The following KCNN1 variants were observed in gnomAD, a reference collection of about 807,000 sequenced individuals.
KCNN1 encodes small conductance calcium-activated potassium channel protein 1.
Under a neutral mutation model 44.7 loss-of-function variants are expected in KCNN1, and 20 were observed. That is an observed-to-expected ratio of 0.45 (90% confidence interval 0.32 to 0.65). The LOEUF is 0.65. Ranked by LOEUF, KCNN1 falls within the 30% of genes least tolerant of loss-of-function variation. The pLI, the probability that KCNN1 is intolerant of heterozygous loss-of-function variation, is 0.05. For synonymous variants in KCNN1, 324 were observed against 341.7 expected (o/e 0.95, Z 0.57); for missense variants, 632 against 785.3 (o/e 0.80, Z 2.33).
Position 17,983,548 on chromosome 19 carries a change from C to T in KCNN1, c.917+1421C>T, listed in dbSNP as rs894002480. On this transcript the variant is annotated intron_variant, in intron 4 of 9. Coordinates refer to ENST00000684775, the MANE Select transcript of KCNN1 (RefSeq NM_001386974.1). This position sits in a 1 kb window ranked among gnomAD's most constrained non-coding sequence, Gnocchi z 4.5. ...AGGGTTAGGGGTATGGGGTGCCCCT[C>T]GTCAGGTATCCCTGAGGTCCAAGCT... Among the ~76,000 whole-genome samples the T allele has an allele frequency of 1.6e-4, 24 of 151,908 alleles. No homozygotes were observed. The highest frequency in any genetic ancestry group is 3.4e-4 in the Non-Finnish European group (23 of 67,938).
chr19:17,964,872 G>A (rs1321907253), upstream of KCNN1, among the ~76,000 whole-genome samples: 1 of 152,208 alleles, frequency 6.6e-6, no homozygotes, highest in Admixed American at 6.5e-5. This position sits in a 1 kb window ranked among gnomAD's most constrained non-coding sequence, Gnocchi z 4.3. Flanking sequence ...GGGAGAAGGT[G>A]GGTACAGGGG....
At chr19:17,980,245 T>A (rs2032357449) in intron 3 of KCNN1, among the ~76,000 whole-genome samples, 1 of 134,540 alleles carries the variant, frequency 7.4e-6, no homozygotes, top group African/African-American at 2.8e-5. Flanking sequence ...TTTTTTTTTT[T>A]TTTTTTTTTT....
At chr19:17,986,783 A>G (rs1162140813) in intron 5 of KCNN1, among the ~76,000 whole-genome samples, 1 of 148,522 alleles carries the variant, frequency 6.7e-6, no homozygotes, top group Non-Finnish European at 1.5e-5. Flanking sequence ...AGGCCTAAGC[A>G]ACTGCACCTG....
At chr19:17,963,352 G>A (rs1387534590), upstream of KCNN1, among the ~76,000 whole-genome samples, 6 of 141,384 alleles carry the variant, frequency 4.2e-5, no homozygotes, top group South Asian at 6.7e-4. Context: ...TCACTCTGTC[G>A]CCCAGGCTGT....
At position 17,973,942 on chromosome 19, in the gene KCNN1, GGGCGCC is replaced by G; in HGVS notation, c.55_60del (p.Gly19_Ala20del). On this transcript the variant is annotated inframe_deletion, in exon 2 of 10. Coordinates refer to ENST00000684775, the MANE Select transcript of KCNN1 (RefSeq NM_001386974.1). ...TGGGGCGGCCGCTGGGCAGCGGGCC[GGGCGCC>G]CTGGGACGAGACCCTCCGGACCCTG... The G allele has an allele frequency of 6.4e-7, 1 of 1,557,062 alleles. No homozygotes were observed.
chr19:17,978,969 AG>A (rs2032302566), intron 3 of KCNN1, among the ~76,000 whole-genome samples: 1 of 151,280 alleles, frequency 6.6e-6, no homozygotes, highest in South Asian at 2.1e-4. Context: ...TTGAGGTGGG[AG>A]GATCACCTGA....
At chr19:17,964,534 C>T (rs986983774), upstream of KCNN1, among the ~76,000 whole-genome samples, 1 of 152,358 alleles carries the variant, frequency 6.6e-6, no homozygotes, top group East Asian at 1.9e-4. This position sits in a 1 kb window ranked among gnomAD's most constrained non-coding sequence, Gnocchi z 4.3. Context: ...GCATGAGTCC[C>T]GGGGGCGTCT....
At chr19:17,989,415 G>A (rs1429806846) in intron 6 of KCNN1, among the ~76,000 whole-genome samples, 1 of 152,162 alleles carries the variant, frequency 6.6e-6, no homozygotes, top group Non-Finnish European at 1.5e-5. Flanking sequence ...GCAAGATCAT[G>A]CCACTGCATT....
rs560556278 is a variant in KCNN1 at position 17,983,737 on chromosome 19, G to T, written c.918-1575G>T. ...CCCAGCCGTGCTCCTGGGTGGTCCC[G>T]CGGCACCCCCCACCATCGCTCCGTC... On this transcript the variant is annotated intron_variant, in intron 4 of 9. Transcript: ENST00000684775. This position sits in a 1 kb window ranked among gnomAD's most constrained non-coding sequence, Gnocchi z 4.5. Among the ~76,000 whole-genome samples the T allele has an allele frequency of 6.6e-6, 1 of 151,352 alleles. No homozygotes were observed. Among genetic ancestry groups the T allele is most frequent in the Non-Finnish European group, 1.5e-5 (1 of 67,796 alleles).
chr19:17,956,881 T>C (rs777493617), intron 2 of KCNN1, among the ~76,000 whole-genome samples: 20 of 151,708 alleles, frequency 1.3e-4, no homozygotes, highest in Non-Finnish European at 2.8e-4. Context: ...ACCCCGTCTC[T>C]ACTAAATACA....
rs1423436676 is a variant in KCNN1, at chr19:17,975,173, G to A, written c.484G>A (p.Ala162Thr). 2 of 1,613,704 alleles carry A rather than the reference G, an allele frequency of 1.2e-6. No homozygotes were observed. The highest frequency in any genetic ancestry group is 1.7e-6 in the Non-Finnish European group (2 of 1,179,700). ...GCTGGGTCTCGTTGTCCTCTACCAT[G>A]CCCGGGAGATCCAGGTCAGTGCTGA... ...ILLGLVVLYH[A>T]REIQLFMVDN... Residue 162 changes from alanine to threonine, a missense_variant, in exon 3 of 10, where the codon GCC becomes ACC. This residue lies in a region of KCNN1 where 160 missense variants were observed against 308.3 expected (regional missense o/e 0.52). Coordinates refer to ENST00000684775, the MANE Select transcript of KCNN1 (RefSeq NM_001386974.1).
chr19:18,000,066 G>A lies in KCNN1; in HGVS notation c.*1660G>A, dbSNP rs768926111. On this transcript the variant is annotated 3_prime_UTR_variant, in exon 10 of 10. Coordinates refer to ENST00000684775, the MANE Select transcript of KCNN1 (RefSeq NM_001386974.1). ...AGGTGCTCAATAAATGCTCCTTCCCGCCTGAGGGATCACACTGGAGTCTTT... is the reference window on the plus strand; with the variant it reads ...AGGTGCTCAATAAATGCTCCTTCCCACCTGAGGGATCACACTGGAGTCTTT... The A allele has an allele frequency of 2.4e-5, 11 of 455,044 alleles. No homozygotes were observed. The highest frequency in any genetic ancestry group is 3.3e-4 in the Middle Eastern group (1 of 3,050). The allele number at this position is 455,044 out of a possible 1,614,324, so 28.2% of individuals were successfully genotyped here.
intron 5 of KCNN1, among the ~76,000 whole-genome samples, chr19:17,985,728 G>A (rs546724224): frequency 3.9e-5 from 6 of 152,226 alleles, no homozygotes; most frequent in African/African-American, 1.4e-4. Context: ...AAGAAGCTGC[G>A]GTCCACTCTG....
chr19:17,953,625 A>G (rs1376057474), intron 1 of KCNN1, among the ~76,000 whole-genome samples: 1 of 152,236 alleles, frequency 6.6e-6, no homozygotes, highest in African/African-American at 2.4e-5. Flanking sequence ...CTCCCAGGGC[A>G]GCTTCAGAGC....
intron 1 of KCNN1, among the ~76,000 whole-genome samples, chr19:17,971,257 C>T (rs886930675): frequency 6.6e-6 from 1 of 152,118 alleles, no homozygotes; most frequent in Non-Finnish European, 1.5e-5. Context: ...TGGGAAGTGT[C>T]CTGCCTGTGC....
At chr19:17,963,721 G>T (rs2031735918), upstream of KCNN1, among the ~76,000 whole-genome samples, 1 of 145,934 alleles carries the variant, frequency 6.9e-6, no homozygotes, top group African/African-American at 2.6e-5. Context: ...TGATACTTCT[G>T]ATACTTTTTT....
At position 17,982,149 on chromosome 19, in the gene KCNN1, C is replaced by A. The variant is rs1371890781; in HGVS notation, c.917+22C>A. The A allele has an allele frequency of 8.1e-6, 11 of 1,360,518 alleles. No individual in the cohort carries two copies. In the East Asian group the frequency reaches 2.9e-4, roughly 36 times the overall value. 84.3% of individuals were successfully genotyped at this position (1,360,518 alleles called of 1,614,324 possible). The stretch of plus-strand genomic sequence containing the variant: ...AGAGGTGCGACCGCCGCCCCTGGAG[C>A]CCCCCCAGCCCCCAGCCCCCGTCTC... On this transcript the variant is annotated intron_variant, in intron 4 of 9. Coordinates refer to ENST00000684775, the MANE Select transcript of KCNN1 (RefSeq NM_001386974.1).
chr19:17,959,263 GT>G (rs963705001), intron 2 of KCNN1, among the ~76,000 whole-genome samples: 1 of 144,980 alleles, frequency 6.9e-6, no homozygotes, highest in Non-Finnish European at 1.5e-5. Context: ...GTTTTGTTTT[GT>G]TTTGTTTTTT....
intron 7 of KCNN1, among the ~76,000 whole-genome samples, chr19:17,990,520 G>T (rs1479794132): frequency 2.0e-4 from 30 of 151,540 alleles, no homozygotes; most frequent in African/African-American, 6.8e-4. Flanking sequence ...GAAAAAAAAG[G>T]CCGGGCGCGG....
Sources: allele counts gnomAD v4.1 joint callset (sites outside exome capture counted in the v4.1 genomes callset), GRCh38; gene constraint gnomAD v4.1.1; regional missense constraint gnomAD v4.1.1; non-coding constraint Gnocchi (gnomAD v3.1); transcripts MANE v1.5; gene names NCBI Gene and HGNC (gene_info 2026-07-23, HGNC 2026-07-21).